LRRC3B: variants seen among roughly 807,000 people sequenced by gnomAD.
The protein encoded by LRRC3B is leucine-rich repeat-containing protein 3B.
Under a neutral mutation model 12.8 loss-of-function variants are expected in LRRC3B, and 2 were observed. The observed-to-expected ratio is 0.16, with a 90% confidence interval of 0.06 to 0.49. The LOEUF is 0.49. Among genes scored for constraint, LRRC3B ranks in the 20% least tolerant of loss-of-function variants. The pLI is 0.96. For synonymous variants in LRRC3B, 132 were observed against 122.0 expected, an observed-to-expected ratio of 1.08 and a Z score of -0.54; for missense variants, 189 against 319.4, an observed-to-expected ratio of 0.59 and a Z score of 3.11.
At position 26,634,412 on chromosome 3, in the gene LRRC3B, G is replaced by T. The variant is rs922405965; in HGVS notation, c.-161+11175G>T. On this transcript the variant is annotated intron_variant, in intron 1 of 1. Coordinates refer to ENST00000396641, the Ensembl canonical transcript of LRRC3B. ...TGCCTTGTTAATTTTAACAATAGAT[G>T]GGGGAAGAAAAACGTAGGTGTAGTT... Among the ~76,000 whole-genome samples, 5 of 152,298 alleles carry T rather than the reference G, an allele frequency of 3.3e-5. No homozygotes were observed. The South Asian group carries it at 8.3e-4, about 25-fold the overall frequency.
At chr3:26,639,516 A>T (rs1184756465) in intron 1 of LRRC3B, among the ~76,000 whole-genome samples, 2 of 123,318 alleles carry the variant, frequency 1.6e-5, no homozygotes, top group African/African-American at 8.3e-5. Context: ...ATTAAATTAA[A>T]TTAAATTAAA....
chr3:26,683,160 T>G (rs1261767318), intron 1 of LRRC3B, among the ~76,000 whole-genome samples: 1 of 152,170 alleles, frequency 6.6e-6, no homozygotes, highest in African/African-American at 2.4e-5. Flanking sequence ...TAAGAGGCTA[T>G]GGTGCATGTG....
At chr3:26,667,685 TA>T (rs1160172297) in intron 1 of LRRC3B, among the ~76,000 whole-genome samples, 10 of 152,298 alleles carry the variant, frequency 6.6e-5, no homozygotes, top group African/African-American at 2.4e-4. Context: ...TATCATATAA[TA>T]TTTTCTTTTT....
intron 1 of LRRC3B, among the ~76,000 whole-genome samples, chr3:26,666,750 C>A (rs991481053): frequency 2.0e-5 from 3 of 152,104 alleles, no homozygotes; most frequent in South Asian, 4.1e-4. Context: ...AGTTTTCCCA[C>A]TAATGTGCTT....
At chr3:26,668,715 A>G (rs1278158837) in intron 1 of LRRC3B, among the ~76,000 whole-genome samples, 9 of 152,130 alleles carry the variant, frequency 5.9e-5, no homozygotes. Context: ...TTATTGTTAA[A>G]AGTTTGGAAA....
chr3:26,630,845 T>C (rs6774481), intron 1 of LRRC3B, among the ~76,000 whole-genome samples: 6,159 of 152,258 alleles, frequency 0.04, 212 homozygotes, highest in East Asian at 0.14. Context: ...CATTTCCCAC[T>C]GGGACACTTT....
At chr3:26,694,292 A>T (rs957814719) in intron 1 of LRRC3B, among the ~76,000 whole-genome samples, 1 of 152,234 alleles carries the variant, frequency 6.6e-6, no homozygotes, top group Non-Finnish European at 1.5e-5. Flanking sequence ...GGACGCCTTC[A>T]GCAGGGAGCC....
chr3:26,701,044 C>T (rs1276639179), intron 1 of LRRC3B, among the ~76,000 whole-genome samples: 1 of 152,054 alleles, frequency 6.6e-6, no homozygotes, highest in African/African-American at 2.4e-5. Flanking sequence ...TAGTAAGCCC[C>T]ACAATGTTGT....
chr3:26,623,118 G>A (rs1698548310), exon 1 of LRRC3B: 1 of 152,124 alleles, frequency 6.6e-6, no homozygotes, highest in Non-Finnish European at 1.5e-5. Context: ...GCTTGCAGCT[G>A]GTTGGAGGTG....
rs1700551097 is a variant in LRRC3B, at chr3:26,705,031, C to T, written c.-160-4482C>T. ...TCTGTGAGTTGGTACGCTCACTTAT[C>T]TCAGAAGGGTTAATAAAAGCTTTTG... On this transcript the variant is annotated intron_variant, in intron 1 of 1. Transcript: ENST00000396641. 2.6e-5 allele frequency among the ~76,000 whole-genome samples: 4 copies of T among 152,212 alleles called. No individual in the cohort carries two copies. In the South Asian group the frequency reaches 8.3e-4, roughly 32 times the overall value.
At chr3:26,691,105 G>GTGTGTATA (rs372629683) in intron 1 of LRRC3B, among the ~76,000 whole-genome samples, 15 of 84,830 alleles carry the variant, frequency 1.8e-4, no homozygotes, top group South Asian at 9.8e-4. Flanking sequence ...GTGTGTGTGT[G>GTGTGTATA]TATATATATA....
chr3:26,677,370 G>A (rs1699881981), intron 1 of LRRC3B, among the ~76,000 whole-genome samples: 1 of 152,174 alleles, frequency 6.6e-6, no homozygotes, highest in East Asian at 1.9e-4. Flanking sequence ...CCTAAGGGAG[G>A]TTCAGCCAGT....
At chr3:26,692,145 G>A (rs951513324) in intron 1 of LRRC3B, among the ~76,000 whole-genome samples, 1 of 152,174 alleles carries the variant, frequency 6.6e-6, no homozygotes, top group African/African-American at 2.4e-5. Context: ...ATTCTGCCAG[G>A]TATCATTCTA....
intron 1 of LRRC3B, among the ~76,000 whole-genome samples, chr3:26,627,422 G>A (rs1255692690): frequency 6.6e-6 from 1 of 152,180 alleles, no homozygotes; most frequent in Non-Finnish European, 1.5e-5. Context: ...CTCTAATGCT[G>A]TGGCACACTA....
Position 26,709,500 on chromosome 3 carries a change from C to A in LRRC3B, c.-160-13C>A, listed in dbSNP as rs1193787551. 9.3e-6 allele frequency: 6 copies of A among 647,942 alleles called. No individual in the cohort carries two copies. The highest frequency in any genetic ancestry group is 1.3e-5 in the Non-Finnish European group (5 of 374,262). The allele number at this position is 647,942 out of a possible 1,614,324, so 40.1% of individuals were successfully genotyped here. A position where few individuals can be genotyped will look rare whatever the true frequency, so the allele number is the denominator to read the frequency against. ...GCAAAGGAACTAATTGCATCTGTTT[C>A]TCTTTCCTTTAGGTGCCCAAGCAAG... On this transcript the variant is annotated splice_polypyrimidine_tract_variant and intron_variant, in intron 1 of 1. Transcript: ENST00000396641.
intron 1 of LRRC3B, among the ~76,000 whole-genome samples, chr3:26,648,788 T>C (rs1349658224): frequency 2.0e-5 from 3 of 152,236 alleles, no homozygotes; most frequent in Admixed American, 2.0e-4. Context: ...ATTTGAGTGC[T>C]TTGAAGAATG....
At chr3:26,653,794 A>G (rs1699314212) in intron 1 of LRRC3B, among the ~76,000 whole-genome samples, 1 of 152,176 alleles carries the variant, frequency 6.6e-6, no homozygotes, top group African/African-American at 2.4e-5. Flanking sequence ...AGCAGACTGT[A>G]CCCATATGTG....
intron 1 of LRRC3B, among the ~76,000 whole-genome samples, chr3:26,703,262 A>G (rs1700502548): frequency 6.6e-6 from 1 of 152,174 alleles, no homozygotes; most frequent in Non-Finnish European, 1.5e-5. Flanking sequence ...TATGATAGTC[A>G]ATAAGACTAA....
chr3:26,690,603 A>G (rs1202920260), intron 1 of LRRC3B, among the ~76,000 whole-genome samples: 3 of 152,138 alleles, frequency 2.0e-5, no homozygotes, highest in African/African-American at 7.2e-5. Context: ...TCAGAGCAAC[A>G]TTATTCTCTG....
Sources: gnomAD v4.1 joint callset for allele counts (sites outside exome capture counted in the v4.1 genomes callset) on GRCh38, gnomAD v4.1.1 for gene constraint, MANE v1.5 for transcripts, NCBI Gene and HGNC (gene_info 2026-07-23, HGNC 2026-07-21) for gene names.